NDC1: variants seen among roughly 807,000 people sequenced by gnomAD.
NDC1 encodes the protein NDC1 transmembrane nucleoporin, also known as nucleoporin NDC1.
Under a neutral mutation model 89.8 loss-of-function variants are expected in NDC1, and 24 were observed. The observed-to-expected ratio is 0.27, with a 90% CI of 0.19 to 0.38. NDC1 has a LOEUF of 0.38. Ranked by LOEUF, NDC1 falls within the 10% of genes least tolerant of loss-of-function variation. The pLI is 1.00. For synonymous variants in NDC1, 296 were observed against 284.8 expected (o/e 1.04, Z -0.39); for missense variants, 728 against 797.6 (o/e 0.91, Z 1.05).
chr1:53,790,874 T>C (rs1647474474), intron 14 of NDC1, among the ~76,000 whole-genome samples: 1 of 152,212 alleles, frequency 6.6e-6, no homozygotes. Context: ...TTGTTACACG[T>C]ATATAATGCA....
rs1294702437 is a variant in NDC1, at chr1:53,835,567, G to A, written c.111C>T (p.Pro37=). Residue 37 remains proline (P), a synonymous_variant, in exon 2 of 18, where the codon CCC becomes CCT. Transcript: ENST00000371429. ...AAATTATAAATACTGTGGTGCAGAT[G>A]GGTAGAAATAGCACTGACCAAACAA... The part of the protein sequence containing the change: ...ASIVWSVLFL[P]ICTTVFIIFS... 6.2e-7 allele frequency: 1 copy of A among 1,612,668 alleles called. No homozygotes were observed. Among genetic ancestry groups the A allele is most frequent in the Non-Finnish European group, 8.5e-7 (1 of 1,178,902 alleles).
intron 6 of NDC1, 121 bp downstream of exon 6, chr1:53,818,850 A>T: frequency 3.6e-6 from 2 of 557,888 alleles, no homozygotes; most frequent in Non-Finnish European, 6.3e-6. Context: ...ACAATGAATC[A>T]GTTGAGCTAA....
Position 53,781,453 on chromosome 1 carries a change from T to C in NDC1, c.1800+5705A>G, listed in dbSNP as rs143529291. On this transcript the variant is annotated intron_variant, in intron 16 of 17. Transcript: ENST00000371429. ...CTTATAATAACAGTGATCTCCAGGA[T>C]GGTCTGGCCACTGGCTGAAACCACT... 1.4e-4 allele frequency among the ~76,000 whole-genome samples: 22 copies of C among 152,334 alleles called. No individual in the cohort carries two copies. In the East Asian group the frequency reaches 4.2e-3, roughly 29 times the overall value.
rs1003005062 is a variant in NDC1, at chr1:53,828,148, T to C, written c.306A>G (p.Arg102=). The change falls in exon 4 of 18, where the codon AGA becomes AGG. Residue 102 remains arginine, a synonymous_variant. Coordinates refer to ENST00000371429, the MANE Select transcript of NDC1 (RefSeq NM_018087.5). The part of the protein sequence containing the change: ...YAVVPSIPCS[R]LALIGKIIHP... ...GAATGATCTTCCCTATCAGAGCTAG[T>C]CTGGAGCAAGGAATAGAAGGCACAA... 7 of 1,613,922 alleles carry C rather than the reference T, an allele frequency of 4.3e-6. No homozygotes were observed. The highest frequency in any genetic ancestry group is 5.9e-6 in the Non-Finnish European group (7 of 1,179,994).
At chr1:53,786,642 G>A (rs1310286929) in intron 16 of NDC1, among the ~76,000 whole-genome samples, 1 of 152,122 alleles carries the variant, frequency 6.6e-6, no homozygotes, top group Admixed American at 6.5e-5. Context: ...TTCTTTTTCT[G>A]TTTCTGTAAA....
intron 13 of NDC1, among the ~76,000 whole-genome samples, chr1:53,794,669 A>G (rs982999394): frequency 1.3e-5 from 2 of 152,170 alleles, no homozygotes; most frequent in Non-Finnish European, 1.5e-5. Context: ...CAAGAGTTTG[A>G]GATCAGCCTG....
At chr1:53,818,759 G>T (rs1648562582) in intron 6 of NDC1, among the ~76,000 whole-genome samples, 1 of 152,246 alleles carries the variant, frequency 6.6e-6, no homozygotes, top group South Asian at 2.1e-4. Flanking sequence ...CTTTTTAAAG[G>T]CTAAATAATA....
At chr1:53,784,571 T>A (rs1463877799) in intron 16 of NDC1, among the ~76,000 whole-genome samples, 1 of 152,120 alleles carries the variant, frequency 6.6e-6, no homozygotes, top group Non-Finnish European at 1.5e-5. Flanking sequence ...GGTAGGTGGA[T>A]CACGAGGTCA....
chr1:53,798,132 CTTCT>C (rs1273015241), intron 11 of NDC1, among the ~76,000 whole-genome samples: 1 of 119,132 alleles, frequency 8.4e-6, no homozygotes, highest in East Asian at 2.3e-4. Flanking sequence ...AGGATTCCAT[CTTCT>C]TTTTATTATT....
At chr1:53,828,495 A>G (rs1310298737) in intron 3 of NDC1, among the ~76,000 whole-genome samples, 1 of 151,270 alleles carries the variant, frequency 6.6e-6, no homozygotes, top group East Asian at 1.9e-4. Flanking sequence ...ATAAAAGAAT[A>G]ATGATTTTTT....
At chr1:53,768,952 G>A (rs1647089279) in intron 17 of NDC1, among the ~76,000 whole-genome samples, 1 of 152,182 alleles carries the variant, frequency 6.6e-6, no homozygotes. Context: ...CTAGCAGGTA[G>A]TAAAGTGTCC....
At chr1:53,787,049 C>A in intron 16 of NDC1, 109 bp downstream of exon 16, 1 of 584,652 alleles carries the variant, frequency 1.7e-6, no homozygotes, top group East Asian at 2.8e-5. Flanking sequence ...ATTATTTTAA[C>A]TTCCAACATG....
chr1:53,772,726 CA>C (rs1553146300), intron 16 of NDC1, among the ~76,000 whole-genome samples: 3 of 149,660 alleles, frequency 2.0e-5, no homozygotes, highest in African/African-American at 7.4e-5. Flanking sequence ...CATAACAAAA[CA>C]AAACAAACAT....
In NDC1 at chr1:53,835,204, T is replaced by A. The variant is rs537748954; in HGVS notation, c.178+296A>T. ...TTCTGTATTTTAAAGAGACAAACAA[T>A]CTCAATAAAGCTGCCCAAAGGAAAA... On this transcript the variant is annotated intron_variant, in intron 2 of 17. Coordinates refer to ENST00000371429, the MANE Select transcript of NDC1 (RefSeq NM_018087.5). Among the ~76,000 whole-genome samples, 26 of 152,298 alleles carry A rather than the reference T, an allele frequency of 1.7e-4. No homozygotes were observed. In the East Asian group the frequency reaches 5.0e-3, roughly 29 times the overall value.
chr1:53,818,984 TA>T lies in NDC1; in HGVS notation c.689del (p.Leu230TyrfsTer17). On this transcript the variant is annotated frameshift_variant, in exon 6 of 18. Coordinates refer to ENST00000371429, the MANE Select transcript of NDC1 (RefSeq NM_018087.5). LOFTEE classifies it high-confidence loss of function. ...SLFLVRNFCI[L>X]YYFLGYIPKA... ...AGAAATTCTTACCAAGAAAATAATATAAAATGCAGAAATTTCTAACCAGGAA... is the reference window on the plus strand; with the variant it reads ...AGAAATTCTTACCAAGAAAATAATATAAATGCAGAAATTTCTAACCAGGAA... The T allele has an allele frequency of 6.7e-7, 1 of 1,495,040 alleles. No individual in the cohort carries two copies. Among genetic ancestry groups the T allele is most frequent in the Non-Finnish European group, 9.1e-7 (1 of 1,093,892 alleles). 92.6% of individuals were successfully genotyped at this position (1,495,040 alleles called of 1,614,324 possible).
rs756971642 is a variant in NDC1 at position 53,828,141 on chromosome 1, G to A, written c.313C>T (p.Leu105=). 4.3e-6 allele frequency: 7 copies of A among 1,614,092 alleles called. No individual in the cohort carries two copies. In the Admixed American group the frequency reaches 1.2e-4, roughly 27 times the overall value. ...TGAGGATGAATGATCTTCCCTATCA[G>A]AGCTAGTCTGGAGCAAGGAATAGAA... The part of the protein sequence containing the change: ...VPSIPCSRLA[L]IGKIIHPQQL... Residue 105 remains leucine (L), a synonymous_variant, in exon 4 of 18, where the codon CTG becomes TTG. Coordinates refer to ENST00000371429, the MANE Select transcript of NDC1 (RefSeq NM_018087.5).
chr1:53,796,490 A>G (rs9436477), intron 13 of NDC1, among the ~76,000 whole-genome samples, 199 bp downstream of exon 13: 38,532 of 151,686 alleles, frequency 0.25, 5,884 homozygotes, highest in African/African-American at 0.43. Context: ...TCTTACATGA[A>G]GTTATCAGGT....
chr1:53,807,582 G>T, intron 8 of NDC1, 74 bp downstream of exon 8: 1 of 1,321,656 alleles, frequency 7.6e-7, no homozygotes, highest in Non-Finnish European at 1.0e-6. Flanking sequence ...GTGCTGATCA[G>T]TGTGCTCTGC....
chr1:53,818,954 A>C lies in NDC1; in HGVS notation c.703+17T>G, dbSNP rs768189131. Reference sequence around the variant, plus strand: ...ATGAGATAATATATCACTGTATCAAAAAGCAGAAATTCTTACCAAGAAAAT... The same window carrying C: ...ATGAGATAATATATCACTGTATCAACAAGCAGAAATTCTTACCAAGAAAAT... On this transcript the variant is annotated intron_variant, in intron 6 of 17. Transcript: ENST00000371429. 2 of 1,186,966 alleles carry C rather than the reference A, an allele frequency of 1.7e-6. No individual in the cohort carries two copies. Among genetic ancestry groups the C allele is most frequent in the Non-Finnish European group, 2.4e-6 (2 of 819,626 alleles). 73.5% of individuals were successfully genotyped at this position (1,186,966 alleles called of 1,614,324 possible). A position where few individuals can be genotyped will look rare whatever the true frequency, so the allele number is the denominator to read the frequency against.
Sources: gnomAD v4.1 joint callset for allele counts (sites outside exome capture counted in the v4.1 genomes callset) on GRCh38, gnomAD v4.1.1 for gene constraint, MANE v1.5 for transcripts, NCBI Gene and HGNC (gene_info 2026-07-23, HGNC 2026-07-21) for gene names.